CTNNA1: variants seen among roughly 807,000 people sequenced by gnomAD.
CTNNA1 encodes the protein catenin alpha 1.
CTNNA1 carries 37 observed loss-of-function variants against 98.4 expected under a neutral mutation model. That is an observed-to-expected ratio of 0.38 (90% CI 0.29 to 0.49). The LOEUF is 0.49. CTNNA1 is among the 20% of genes least tolerant of loss of function. CTNNA1 has a pLI of 0.95. For synonymous variants in CTNNA1, 404 were observed against 413.2 expected (o/e 0.98, Z 0.27); for missense variants, 761 against 1,147.2 (o/e 0.66, Z 4.86).
chr5:138,886,364 G>A (rs1754025390), intron 8 of CTNNA1, 72 bp downstream of exon 8: 3 of 1,435,984 alleles, frequency 2.1e-6, no homozygotes, highest in Middle Eastern at 1.8e-4. Context: ...ATCCTAATAA[G>A]CACTGGCCTT....
chr5:138,863,997 C>G lies in CTNNA1; in HGVS notation c.1063-22215C>G, dbSNP rs986195972. ...TTTTTTAATTAGATGGGATCTTGCT[C>G]TGTTATCTAGGCTGGAGTGCAGTGG... On this transcript the variant is annotated intron_variant, in intron 7 of 17. Transcript: ENST00000302763. 3.9e-5 allele frequency among the ~76,000 whole-genome samples: 6 copies of G among 152,138 alleles called. 1 individual carries two copies. The highest frequency in any genetic ancestry group is 8.8e-5 in the Non-Finnish European group (6 of 68,028).
intron 9 of CTNNA1, among the ~76,000 whole-genome samples, chr5:138,903,008 A>G (rs954628691): frequency 5.9e-5 from 9 of 152,130 alleles, no homozygotes; most frequent in African/African-American, 2.2e-4. Context: ...CTGAAAAGAA[A>G]TGTCTCTCTG....
At chr5:138,900,978 T>G (rs1286777250) in intron 9 of CTNNA1, among the ~76,000 whole-genome samples, 5 of 152,164 alleles carry the variant, frequency 3.3e-5, no homozygotes, top group Non-Finnish European at 5.9e-5. Flanking sequence ...TCAGAGACAT[T>G]TTAGTTGTTA....
intron 3 of CTNNA1, among the ~76,000 whole-genome samples, chr5:138,792,606 T>G (rs949069334): frequency 6.6e-6 from 1 of 152,206 alleles, no homozygotes; most frequent in African/African-American, 2.4e-5. Context: ...TGTGGGTGTG[T>G]GTGAGAGAGA....
rs1762150108 is a variant in CTNNA1, at chr5:138,917,914, C to T, written c.1546+16C>T. Reference sequence around the variant, plus strand: ...GCTGTCTCAGGTAATGAGCTGGTTCCCCAGAGAAGTATGTGAAGATGTTCA... The same window carrying T: ...GCTGTCTCAGGTAATGAGCTGGTTCTCCAGAGAAGTATGTGAAGATGTTCA... On this transcript the variant is annotated intron_variant, in intron 11 of 17. Transcript: ENST00000302763. The T allele has an allele frequency of 2.5e-6, 4 of 1,611,782 alleles. No individual in the cohort carries two copies. In the Admixed American group the frequency reaches 5.0e-5, roughly 20 times the overall value.
At chr5:138,800,478 A>C (rs1015512826) in intron 3 of CTNNA1, among the ~76,000 whole-genome samples, 1 of 152,124 alleles carries the variant, frequency 6.6e-6, no homozygotes, top group African/African-American at 2.4e-5. Flanking sequence ...GACCAAGAGA[A>C]GGGTTCCCAA....
intron 12 of CTNNA1, 96 bp downstream of exon 12, chr5:138,924,806 T>C: frequency 1.7e-6 from 2 of 1,155,280 alleles, no homozygotes; most frequent in South Asian, 2.9e-5. Flanking sequence ...GAAGGAGGAG[T>C]TGGGAACTCA....
intron 7 of CTNNA1, among the ~76,000 whole-genome samples, chr5:138,860,476 G>A (rs1397007360): frequency 1.4e-5 from 2 of 142,442 alleles, no homozygotes; most frequent in Non-Finnish European, 3.0e-5. Flanking sequence ...ATCTTAGACT[G>A]GCAGGGTTTG....
At chr5:138,847,494 GA>G (rs1246261908) in intron 7 of CTNNA1, among the ~76,000 whole-genome samples, 5 of 152,194 alleles carry the variant, frequency 3.3e-5, no homozygotes, top group Admixed American at 3.3e-4. Context: ...ATTAGTTGAA[GA>G]ATTCAAATAT....
At chr5:138,877,165 G>T (rs1176384750) in intron 7 of CTNNA1, among the ~76,000 whole-genome samples, 1 of 152,202 alleles carries the variant, frequency 6.6e-6, no homozygotes. Context: ...GCTGGTTAAA[G>T]AAGGGAAGGA....
chr5:138,902,786 T>G (rs1302418397), intron 9 of CTNNA1, among the ~76,000 whole-genome samples: 1 of 152,204 alleles, frequency 6.6e-6, no homozygotes, highest in Non-Finnish European at 1.5e-5. Flanking sequence ...TTTATGTTTG[T>G]TGTTCAAAAT....
At chr5:138,846,772 C>G (rs898547885) in intron 7 of CTNNA1, among the ~76,000 whole-genome samples, 2 of 152,226 alleles carry the variant, frequency 1.3e-5, no homozygotes, top group Middle Eastern at 6.8e-3. Context: ...AAAAAAACCC[C>G]TCAAATTATA....
At chr5:138,846,342 C>T (rs1157691357) in intron 7 of CTNNA1, among the ~76,000 whole-genome samples, 1 of 152,194 alleles carries the variant, frequency 6.6e-6, no homozygotes, top group Non-Finnish European at 1.5e-5. Context: ...ACCAAAAAAA[C>T]ATTAAATTGT....
intron 3 of CTNNA1, 104 bp from the exon 4 acceptor site, chr5:138,809,934 G>A (rs1372016999): frequency 8.0e-6 from 11 of 1,376,048 alleles, no homozygotes; most frequent in Non-Finnish European, 1.1e-5. Context: ...AACTAAATTT[G>A]TGCATGAAAT....
intron 5 of CTNNA1, among the ~76,000 whole-genome samples, chr5:138,817,541 A>G (rs1342132820): frequency 6.6e-6 from 1 of 152,164 alleles, no homozygotes. Flanking sequence ...TGGAATTCCC[A>G]TGATGGGAAT....
At chr5:138,778,696 A>G (rs1332857986) in intron 1 of CTNNA1, among the ~76,000 whole-genome samples, 1 of 152,164 alleles carries the variant, frequency 6.6e-6, no homozygotes, top group African/African-American at 2.4e-5. Flanking sequence ...ATTTTTCTAA[A>G]TACATTGTTC....
At chr5:138,811,595 G>A (rs1002218898) in intron 4 of CTNNA1, among the ~76,000 whole-genome samples, 3 of 152,058 alleles carry the variant, frequency 2.0e-5, no homozygotes, top group Admixed American at 6.5e-5. Flanking sequence ...GTAGCAAGCC[G>A]AGATCACGCC....
intron 1 of CTNNA1, among the ~76,000 whole-genome samples, chr5:138,759,075 TTACA>T (rs1752033763): frequency 6.6e-6 from 1 of 152,264 alleles, no homozygotes; most frequent in African/African-American, 2.4e-5. Flanking sequence ...AGTACTGGGA[TTACA>T]GGCATGAGCC....
chr5:138,829,879 GTC>G (rs969890722), intron 7 of CTNNA1, among the ~76,000 whole-genome samples: 1 of 152,002 alleles, frequency 6.6e-6, no homozygotes, highest in African/African-American at 2.4e-5. Flanking sequence ...GTGAAACCCA[GTC>G]TCTACTAAAA....
Sources: allele counts gnomAD v4.1 joint callset (sites outside exome capture counted in the v4.1 genomes callset), GRCh38; gene constraint gnomAD v4.1.1; transcripts MANE v1.5; gene names NCBI Gene and HGNC (gene_info 2026-07-23, HGNC 2026-07-21).